The following ZEB2 variants were observed in gnomAD, a reference collection of about 807,000 sequenced individuals.
ZEB2 encodes the protein zinc finger E-box-binding homeobox 2.
In ZEB2, 6 loss-of-function variants were observed where a neutral mutation model predicts 99.9. That is an observed-to-expected ratio of 0.06 (90% CI 0.03 to 0.12). ZEB2 has a LOEUF of 0.12. Ranked by LOEUF, ZEB2 falls within the 10% of genes least tolerant of loss-of-function variation. The pLI, the probability that ZEB2 is intolerant of heterozygous loss-of-function variation, is 1.00. For synonymous variants in ZEB2, 517 were observed against 542.5 expected (o/e 0.95, Z 0.65); for missense variants, 969 against 1,502.8 (o/e 0.64, Z 5.87).
chr2:144,400,327 T>G, intron 7 of ZEB2, 57 bp from the exon 8 acceptor site: 1 of 1,565,032 alleles, frequency 6.4e-7, no homozygotes, highest in Non-Finnish European at 8.7e-7. Context: ...CAATTGCAAT[T>G]GTCTACCAAG....
chr2:144,447,525 CAGG>C, intron 2 of ZEB2, among the ~76,000 whole-genome samples: 1 of 152,276 alleles, frequency 6.6e-6, no homozygotes, highest in East Asian at 1.9e-4. Context: ...ATCACAACTA[CAGG>C]AGAATTTTTG....
At chr2:144,423,737 C>A (rs1703651577) in intron 4 of ZEB2, among the ~76,000 whole-genome samples, 1 of 151,702 alleles carries the variant, frequency 6.6e-6, no homozygotes, top group Non-Finnish European at 1.5e-5. Context: ...TATTTTATAC[C>A]CAGGAAAGTG....
chr2:144,396,711 A>C, intron 8 of ZEB2, 119 bp from the exon 9 acceptor site: 1 of 1,112,854 alleles, frequency 9.0e-7, no homozygotes, highest in South Asian at 1.3e-5. Flanking sequence ...GATTGAGTTA[A>C]ACATTTTTTT....
At chr2:144,490,823 C>T (rs1704667073) in intron 2 of ZEB2, among the ~76,000 whole-genome samples, 1 of 152,192 alleles carries the variant, frequency 6.6e-6, no homozygotes, top group African/African-American at 2.4e-5. Flanking sequence ...TCTTCCTTTT[C>T]CCAAAATGGT....
chr2:144,450,752 T>A (rs1704044760), intron 2 of ZEB2, among the ~76,000 whole-genome samples: 1 of 152,232 alleles, frequency 6.6e-6, no homozygotes, highest in African/African-American at 2.4e-5. Flanking sequence ...CTTGGTTCAC[T>A]GCAACCTCCG....
At chr2:144,413,981 G>T (rs1367717619) in intron 4 of ZEB2, among the ~76,000 whole-genome samples, 3 of 152,166 alleles carry the variant, frequency 2.0e-5, no homozygotes, top group Non-Finnish European at 4.4e-5. Context: ...CTAACGATGC[G>T]ATGCACAGAA....
intron 2 of ZEB2, among the ~76,000 whole-genome samples, chr2:144,431,925 G>A (rs1703776880): frequency 1.3e-5 from 2 of 150,286 alleles, no homozygotes; most frequent in Admixed American, 6.6e-5. Context: ...GGGCACAGGA[G>A]GAATAAAGAA....
At chr2:144,477,627 T>C (rs1041470117) in intron 2 of ZEB2, among the ~76,000 whole-genome samples, 1 of 152,244 alleles carries the variant, frequency 6.6e-6, no homozygotes, top group African/African-American at 2.4e-5. Flanking sequence ...TGATGCTCTA[T>C]GGTCACTTTC....
chr2:144,497,105 C>T (rs1188949359), intron 2 of ZEB2, among the ~76,000 whole-genome samples: 5 of 152,190 alleles, frequency 3.3e-5, no homozygotes, highest in African/African-American at 1.2e-4. Context: ...ATCCTCTCAG[C>T]CCAGCGTGCT....
chr2:144,501,304 T>A (rs1367367576), intron 2 of ZEB2, among the ~76,000 whole-genome samples: 1 of 152,214 alleles, frequency 6.6e-6, no homozygotes, highest in Non-Finnish European at 1.5e-5. Flanking sequence ...CATTCTGAAA[T>A]GTGCTCACTT....
chr2:144,519,595 T>C (rs1336755784), intron 1 of ZEB2: 1 of 198,144 alleles, frequency 5.0e-6, no homozygotes, highest in Non-Finnish European at 1.1e-5. Context: ...TGATGAGTTT[T>C]TATTCCAGCC....
intron 4 of ZEB2, among the ~76,000 whole-genome samples, chr2:144,422,253 T>G (rs1474483239): frequency 6.6e-6 from 1 of 152,190 alleles, no homozygotes; most frequent in Non-Finnish European, 1.5e-5. Context: ...ACCATCTGGC[T>G]TTAACTTAAA....
At chr2:144,430,137 T>A in intron 2 of ZEB2, 111 bp from the exon 3 acceptor site, 1 of 1,436,172 alleles carries the variant, frequency 7.0e-7, no homozygotes. Context: ...ACTGAATTAC[T>A]CAACCATGTC....
At chr2:144,460,976 G>A (rs920793223) in intron 2 of ZEB2, 2 of 152,070 alleles carry the variant, frequency 1.3e-5, no homozygotes, top group Non-Finnish European at 2.9e-5. Context: ...CATAACATAA[G>A]TTTGTGTGAC....
At chr2:144,432,982 C>T (rs61625750) in intron 2 of ZEB2, among the ~76,000 whole-genome samples, 22 of 152,240 alleles carry the variant, frequency 1.4e-4, no homozygotes, top group South Asian at 4.1e-4. Context: ...TCCCATATAA[C>T]GTAGCAAAGT....
intron 4 of ZEB2, among the ~76,000 whole-genome samples, chr2:144,406,818 G>A (rs188661378): frequency 6.6e-6 from 1 of 152,328 alleles, no homozygotes; most frequent in East Asian, 1.9e-4. Context: ...AGGGATTGGA[G>A]AAAGAGAAAA....
chr2:144,507,607 A>G (rs890180537), intron 2 of ZEB2, among the ~76,000 whole-genome samples: 1 of 94,468 alleles, frequency 1.1e-5, no homozygotes, highest in Non-Finnish European at 2.0e-5. Context: ...TGCTCTTCCA[A>G]AGTCTGGTTT....
intron 2 of ZEB2, among the ~76,000 whole-genome samples, chr2:144,516,937 C>T (rs534263265): frequency 6.6e-6 from 1 of 151,328 alleles, no homozygotes; most frequent in African/African-American, 2.4e-5. Context: ...GCCGGAGACC[C>T]GGCGGGCCGG....
intron 6 of ZEB2, among the ~76,000 whole-genome samples, chr2:144,403,033 CTTAAA>C (rs1159211578): frequency 6.6e-6 from 1 of 152,204 alleles, no homozygotes; most frequent in Non-Finnish European, 1.5e-5. Context: ...GGTGTCAAGA[CTTAAA>C]TTAAGTGATT....
Sources: allele counts gnomAD v4.1 joint callset (sites outside exome capture counted in the v4.1 genomes callset), GRCh38; gene constraint gnomAD v4.1.1; transcripts MANE v1.5; gene names NCBI Gene and HGNC (gene_info 2026-07-23, HGNC 2026-07-21).